EDA: variants seen among roughly 807,000 people sequenced by gnomAD.
EDA encodes the protein ectodysplasin A.
A neutral mutation model predicts 23.6 loss-of-function variants in EDA; 2 were observed. The ratio of observed to expected loss-of-function variants is 0.08; its 90% CI spans 0.03 to 0.27. The LOEUF (loss-of-function observed/expected upper bound fraction) is 0.27. EDA is among the 10% of genes least tolerant of loss of function. EDA has a pLI of 1.00. For synonymous variants in EDA, 131 were observed against 132.0 expected (o/e 0.99, Z 0.05); for missense variants, 229 against 324.2 (o/e 0.71, Z 2.26).
intron 2 of EDA, among the ~76,000 whole-genome samples, chrX:69,995,409 AG>A (rs1386434080): frequency 8.9e-6 from 1 of 112,505 alleles, no homozygotes; most frequent in African/African-American, 3.2e-5. Context: ...TGAAAGTAAA[AG>A]GAAGTCATAT....
chrX:69,918,275 G>T (rs2018375176), intron 1 of EDA, among the ~76,000 whole-genome samples: 1 of 106,195 alleles, frequency 9.4e-6, no homozygotes, highest in African/African-American at 3.5e-5. Context: ...TCCTGCCTCA[G>T]CCTCCCAAGT....
intron 2 of EDA, among the ~76,000 whole-genome samples, chrX:69,962,473 G>A (rs1234300717): frequency 1.8e-5 from 2 of 111,817 alleles, no homozygotes; most frequent in Admixed American, 9.5e-5. Context: ...GCTCTGTCAC[G>A]CAGGCTGGAG....
At chrX:69,639,717 T>C (rs1168499974) in intron 1 of EDA, among the ~76,000 whole-genome samples, 2 of 112,181 alleles carry the variant, frequency 1.8e-5, no homozygotes, top group Non-Finnish European at 3.8e-5. Flanking sequence ...GTGGATTACC[T>C]TTTCACTTTG....
chrX:69,915,866 C>A (rs185071218), intron 1 of EDA, among the ~76,000 whole-genome samples: 2 of 111,527 alleles, frequency 1.8e-5, no homozygotes, highest in East Asian at 5.7e-4. Flanking sequence ...CGGGAGAGGG[C>A]AGAGAAAACC....
intron 2 of EDA, among the ~76,000 whole-genome samples, chrX:69,965,646 G>A (rs1461667759): frequency 2.7e-5 from 3 of 112,304 alleles, no homozygotes; most frequent in Non-Finnish European, 5.6e-5. Flanking sequence ...TGGTCATCAT[G>A]GTTGCTCTGA....
chrX:69,881,705 G>A (rs959285594), intron 1 of EDA, among the ~76,000 whole-genome samples: 2 of 111,822 alleles, frequency 1.8e-5, no homozygotes, highest in African/African-American at 6.5e-5. Context: ...AATTTGTAAA[G>A]AAAAGAAGTT....
intron 1 of EDA, among the ~76,000 whole-genome samples, chrX:69,810,752 A>G (rs1237430916): frequency 1.5e-4 from 8 of 53,262 alleles, no homozygotes; most frequent in Admixed American, 1.4e-3. Context: ...GCGAGACTCC[A>G]TCTCAAAAAA....
At chrX:69,737,771 C>T (rs181858279) in intron 1 of EDA, among the ~76,000 whole-genome samples, 245 of 111,517 alleles carry the variant, frequency 2.2e-3, no homozygotes, top group African/African-American at 7.4e-3. Flanking sequence ...AATGAATTCT[C>T]TGTTTTTGTT....
intron 1 of EDA, among the ~76,000 whole-genome samples, chrX:69,749,051 T>C (rs1430413624): frequency 2.1e-5 from 2 of 93,563 alleles, no homozygotes; most frequent in Non-Finnish European, 4.3e-5. Flanking sequence ...ACTCGTCATC[T>C]AGCATTAGGT....
chrX:69,909,590 C>T (rs983092648), intron 1 of EDA, among the ~76,000 whole-genome samples: 68 of 112,819 alleles, frequency 6.0e-4, no homozygotes, highest in African/African-American at 2.0e-3. Context: ...TGAGCCACCG[C>T]GCCCGGCCCT....
intron 1 of EDA, among the ~76,000 whole-genome samples, chrX:69,678,263 C>G (rs1276362427): frequency 9.1e-6 from 1 of 109,441 alleles, no homozygotes; most frequent in African/African-American, 3.3e-5. Context: ...TGTGATGCCT[C>G]CAGCTTTGTT....
At position 69,730,654 on chromosome X, in the gene EDA, T is replaced by C. The variant is rs140678660; in HGVS notation, c.396+113950T>C. On this transcript the variant is annotated intron_variant, in intron 1 of 7. Transcript: ENST00000374552. Reference sequence around the variant, plus strand: ...GTTAGTTCCTTGGGGACAAGGACCTTGGTTTAGCCTTTTGTACCCAATAGA... The same window carrying C: ...GTTAGTTCCTTGGGGACAAGGACCTCGGTTTAGCCTTTTGTACCCAATAGA... 8.7e-4 allele frequency among the ~76,000 whole-genome samples: 98 copies of C among 112,177 alleles called. No individual in the cohort carries two copies. In the East Asian group the frequency reaches 0.026, roughly 30 times the overall value.
chrX:69,719,294 A>T (rs1450550358), intron 1 of EDA, among the ~76,000 whole-genome samples: 1 of 108,504 alleles, frequency 9.2e-6, no homozygotes, highest in Non-Finnish European at 1.9e-5. Flanking sequence ...TGAATTATTT[A>T]AAAATGTTTT....
chrX:69,987,028 A>G (rs1252778282), intron 2 of EDA, among the ~76,000 whole-genome samples: 1 of 81,012 alleles, frequency 1.2e-5, no homozygotes, highest in African/African-American at 5.1e-5. Flanking sequence ...GCAAGAACAA[A>G]AAACCAAACA....
At chrX:69,725,027 C>T (rs921962955) in intron 1 of EDA, among the ~76,000 whole-genome samples, 1 of 112,082 alleles carries the variant, frequency 8.9e-6, no homozygotes, top group South Asian at 3.7e-4. Context: ...TTGACTTCAT[C>T]GCTTAGTAAT....
chrX:69,959,015 A>C (rs1381360670), intron 2 of EDA, among the ~76,000 whole-genome samples: 1 of 111,365 alleles, frequency 9.0e-6, no homozygotes, highest in Non-Finnish European at 1.9e-5. Flanking sequence ...TAACCTCCGA[A>C]GTTTTCTCTT....
chrX:69,859,836 CTAT>C (rs2017341223), intron 1 of EDA, among the ~76,000 whole-genome samples: 1 of 111,394 alleles, frequency 9.0e-6, no homozygotes, highest in African/African-American at 3.3e-5. Context: ...AAGTCTCTCA[CTAT>C]TATTGTGTGG....
chrX:69,796,862 C>G (rs767479881), intron 1 of EDA, among the ~76,000 whole-genome samples: 3 of 110,878 alleles, frequency 2.7e-5, no homozygotes, highest in Non-Finnish European at 5.7e-5. Flanking sequence ...TGAAGTTTTA[C>G]CAGAGATAGA....
chrX:69,719,474 G>A (rs1320360933), intron 1 of EDA, among the ~76,000 whole-genome samples: 1 of 109,715 alleles, frequency 9.1e-6, no homozygotes, highest in South Asian at 3.9e-4. Flanking sequence ...GTACCCAACA[G>A]GTAATTTTTC....
Sources: allele counts gnomAD v4.1 joint callset (sites outside exome capture counted in the v4.1 genomes callset), GRCh38; gene constraint gnomAD v4.1.1; transcripts MANE v1.5; gene names NCBI Gene and HGNC (gene_info 2026-07-23, HGNC 2026-07-21).